Variants in HIF3A observed in about 807,000 individuals in gnomAD.
HIF3A encodes the protein hypoxia inducible factor 3 subunit alpha.
HIF3A carries 41 observed loss-of-function variants against 67.2 expected under a neutral mutation model. The observed-to-expected ratio is 0.61, with a 90% CI of 0.48 to 0.79. The LOEUF (loss-of-function observed/expected upper bound fraction) is 0.79. HIF3A is among the 30% of genes least tolerant of loss of function. HIF3A has a pLI of 0.00. For missense variants in HIF3A, 855 were observed against 898.0 expected (o/e 0.95, Z 0.61); for synonymous variants, 356 against 374.8 (o/e 0.95, Z 0.58).
Position 46,309,339 on chromosome 19 carries a change from G to A in HIF3A, c.750G>A (p.Lys250=). The A allele has an allele frequency of 6.2e-7, 1 of 1,611,482 alleles. No individual in the cohort carries two copies. Among genetic ancestry groups the A allele is most frequent in the Non-Finnish European group, 8.5e-7 (1 of 1,178,988 alleles). Residue 250 remains lysine (K), a synonymous_variant, in exon 6 of 15, where the codon AAG becomes AAA. Transcript: ENST00000377670. ...AFLSRHSLDM[K]FTYCDDRIAE... ...TCAGCCGCCACAGCCTGGACATGAA[G>A]TTCACCTACTGTGACGACAGGTGGG... is the stretch of plus-strand genomic sequence containing the variant.
intron 12 of HIF3A, 44 bp downstream of exon 12, chr19:46,329,522 C>A (rs1315822034): frequency 6.9e-7 from 1 of 1,453,950 alleles, no homozygotes; most frequent in South Asian, 1.5e-5. Context: ...CATCCCCTCA[C>A]CCCGTCTTGC....
intron 13 of HIF3A, among the ~76,000 whole-genome samples, chr19:46,332,267 C>T (rs1221006409): frequency 6.6e-6 from 1 of 152,080 alleles, no homozygotes; most frequent in African/African-American, 2.4e-5. Context: ...GGCGCTGTGG[C>T]TCACGCCTAT....
At chr19:46,320,260 C>T in intron 8 of HIF3A, 183 bp from the exon 9 acceptor site, 1 of 552,080 alleles carries the variant, frequency 1.8e-6, no homozygotes, top group Non-Finnish European at 3.2e-6. Flanking sequence ...GAATAAAAAG[C>T]AGTCAACAGA....
intron 1 of HIF3A, chr19:46,303,560 C>A (rs757108604): frequency 9.4e-6 from 14 of 1,481,640 alleles, no homozygotes; most frequent in African/African-American, 1.4e-5. Flanking sequence ...AGGGGCCCTC[C>A]CTGTCCCCCA....
intron 13 of HIF3A, among the ~76,000 whole-genome samples, chr19:46,334,180 C>T (rs564727345): frequency 1.3e-5 from 2 of 152,286 alleles, no homozygotes; most frequent in East Asian, 3.9e-4. Context: ...CAACCTCCTC[C>T]TCCCAGGTTG....
intron 1 of HIF3A, 79 bp from the exon 2 acceptor site, chr19:46,303,819 G>A: frequency 3.3e-6 from 5 of 1,530,850 alleles, no homozygotes; most frequent in Non-Finnish European, 4.4e-6. Flanking sequence ...GGCCCCACGT[G>A]GCAGCTCCCC....
rs942385129 is a variant in HIF3A at position 46,297,562 on chromosome 19, C to G, written c.26+460C>G. 6.6e-5 allele frequency among the ~76,000 whole-genome samples: 10 copies of G among 151,972 alleles called. No homozygotes were observed. Among genetic ancestry groups the G allele is most frequent in the African/African-American group, 9.7e-5 (4 of 41,388 alleles). On this transcript the variant is annotated intron_variant, in intron 1 of 14. Transcript: ENST00000377670. The surrounding 1 kb of genome is among the most constrained non-coding windows in gnomAD (Gnocchi z 4.5). ...TGATATGGGATACCCCTAAATGGAGCCTTCCCACATATAGGGAGTCCCTTG... is the reference window on the plus strand; with the variant it reads ...TGATATGGGATACCCCTAAATGGAGGCTTCCCACATATAGGGAGTCCCTTG...
chr19:46,308,227 C>T lies in HIF3A; in HGVS notation c.370C>T (p.Leu124Phe). Residue 124 changes from leucine (L) to phenylalanine (F), a missense_variant, in exon 4 of 15, where the codon CTC (leucine) becomes TTC (phenylalanine). By Grantham distance (22) the Leu-to-Phe change is conservative. This residue lies in a region of HIF3A where 638 missense variants were observed against 660.5 expected (regional missense o/e 0.97). Coordinates refer to ENST00000377670, the MANE Select transcript of HIF3A (RefSeq NM_152795.4). ...CCCCTCTCATCCCTGGCAGCTGGAG[C>T]TCATTGGACACAGCATCTTTGATTT... ...SKHLGLSQLE[L>F]IGHSIFDFIH... 6.2e-7 allele frequency: 1 copy of T among 1,613,546 alleles called. No homozygotes were observed. Among genetic ancestry groups the T allele is most frequent in the Non-Finnish European group, 8.5e-7 (1 of 1,179,520 alleles).
chr19:46,338,814 T>C (rs1434571345), intron 14 of HIF3A, among the ~76,000 whole-genome samples: 2 of 152,070 alleles, frequency 1.3e-5, no homozygotes, highest in African/African-American at 4.8e-5. Flanking sequence ...GGACTCGGGT[T>C]CTTCACCGCA....
intron 10 of HIF3A, among the ~76,000 whole-genome samples, chr19:46,324,963 TACACAC>T (rs144306130): frequency 1.5e-5 from 2 of 133,026 alleles, no homozygotes; most frequent in African/African-American, 2.8e-5. Flanking sequence ...TATATACACA[TACACAC>T]ACACACACAC....
At chr19:46,300,702 T>C (rs1336957020) in intron 1 of HIF3A, among the ~76,000 whole-genome samples, 3 of 152,112 alleles carry the variant, frequency 2.0e-5, no homozygotes, top group Non-Finnish European at 4.4e-5. Context: ...GTAGTGGAGC[T>C]TGTAAGTAGT....
At chr19:46,312,020 CT>C in intron 6 of HIF3A, 140 bp from the exon 7 acceptor site, 1 of 781,320 alleles carries the variant, frequency 1.3e-6, no homozygotes. Context: ...TGTTCTGTTT[CT>C]TACTCCTTTT....
intron 11 of HIF3A, among the ~76,000 whole-genome samples, chr19:46,327,877 C>T (rs1970906449): frequency 6.6e-6 from 1 of 152,170 alleles, no homozygotes; most frequent in Non-Finnish European, 1.5e-5. Context: ...TGGAGGGTCC[C>T]AGATGGAAAG....
At chr19:46,311,573 A>T (rs1366926293) in intron 6 of HIF3A, among the ~76,000 whole-genome samples, 1 of 152,116 alleles carries the variant, frequency 6.6e-6, no homozygotes, top group Non-Finnish European at 1.5e-5. Flanking sequence ...CTCAAGACTA[A>T]CGTTAGGCAG....
At chr19:46,320,640 C>T (rs979592161) in intron 9 of HIF3A, 79 bp downstream of exon 9, 2 of 1,063,698 alleles carry the variant, frequency 1.9e-6, no homozygotes, top group Non-Finnish European at 2.8e-6. Context: ...TAACATGGCT[C>T]ACCAGGCCCT....
chr19:46,313,410 C>A, intron 8 of HIF3A: 1 of 595,446 alleles, frequency 1.7e-6, no homozygotes, highest in Non-Finnish European at 2.0e-6. Context: ...ATTGCTAGAG[C>A]CTGGGGGTTC....
chr19:46,328,728 G>GT lies in HIF3A; in HGVS notation c.1441-468dup, dbSNP rs113726953. 4.8e-3 allele frequency among the ~76,000 whole-genome samples: 701 copies of GT among 145,702 alleles called. 3 individuals carry two copies. The highest frequency in any genetic ancestry group is 0.01 in the Middle Eastern group (3 of 290). On this transcript the variant is annotated intron_variant, in intron 11 of 14. Coordinates refer to ENST00000377670, the MANE Select transcript of HIF3A (RefSeq NM_152795.4). ...TGGTTTCTTTGAGGCATTTAGGTTT[G>GT]TTTTTTTTTTTGAGACAGTATTTCA...
intron 10 of HIF3A, among the ~76,000 whole-genome samples, chr19:46,324,018 C>T (rs1601320482): frequency 6.6e-6 from 1 of 152,146 alleles, no homozygotes; most frequent in East Asian, 1.9e-4. Context: ...GGAACTGGCA[C>T]AGATGACCCT....
chr19:46,298,531 C>T (rs1968052533), intron 1 of HIF3A: 2 of 1,262,982 alleles, frequency 1.6e-6, no homozygotes, highest in African/African-American at 3.1e-5. Flanking sequence ...GGGCCCCCAA[C>T]ACCTCCTTTC....
Sources: gnomAD v4.1 joint callset for allele counts (sites outside exome capture counted in the v4.1 genomes callset) on GRCh38, gnomAD v4.1.1 for gene constraint, gnomAD v4.1.1 regional missense constraint, Gnocchi (gnomAD v3.1) non-coding constraint, MANE v1.5 for transcripts, NCBI Gene and HGNC (gene_info 2026-07-23, HGNC 2026-07-21) for gene names.